The following IL1RAP variants were observed in gnomAD, a reference collection of about 807,000 sequenced individuals.
IL1RAP encodes the protein interleukin-1 receptor accessory protein.
In IL1RAP, 35 loss-of-function variants were observed where a neutral mutation model predicts 60.7. The ratio of observed to expected loss-of-function variants is 0.58; its 90% CI spans 0.44 to 0.76. The LOEUF is 0.76. IL1RAP is among the 30% of genes least tolerant of loss of function. The pLI is 0.00. For missense variants in IL1RAP, 572 were observed against 693.9 expected, an observed-to-expected ratio of 0.82 and a Z score of 1.97; for synonymous variants, 268 against 250.9, an observed-to-expected ratio of 1.07 and a Z score of -0.64.
At chr3:190,611,057 C>T (rs566522204) in intron 5 of IL1RAP, among the ~76,000 whole-genome samples, 2 of 152,222 alleles carry the variant, frequency 1.3e-5, no homozygotes, top group African/African-American at 2.4e-5. Flanking sequence ...AGACATGTAA[C>T]ATTGGGTAAT....
At position 190,629,470 on chromosome 3, in the gene IL1RAP, T is replaced by G. The variant is rs964827481; in HGVS notation, c.1023T>G (p.Val341=). ...ATGCTAGAAGTGCCAAAGGCGAAGT[T>G]GCCAAAGCAGCCAAGGTGAAGCAGA... The part of the protein sequence containing the change: ...VCHARSAKGE[V]AKAAKVKQKV... Residue 341 remains valine, a synonymous_variant, in exon 9 of 12, where the codon GTT becomes GTG. Transcript: ENST00000447382. 6.2e-7 allele frequency: 1 copy of G among 1,613,194 alleles called. No homozygotes were observed. The highest frequency in any genetic ancestry group is 1.3e-5 in the African/African-American group (1 of 74,900).
intron 3 of IL1RAP, among the ~76,000 whole-genome samples, chr3:190,577,939 A>G (rs1727640189): frequency 6.6e-6 from 1 of 152,124 alleles, no homozygotes; most frequent in Non-Finnish European, 1.5e-5. Context: ...TTCTGTTACT[A>G]CATTAATTCA....
Position 190,650,707 on chromosome 3 carries a change from C to G in IL1RAP, c.*2002C>G, listed in dbSNP as rs187663537. On this transcript the variant is annotated 3_prime_UTR_variant, in exon 12 of 12. Coordinates refer to ENST00000447382, the MANE Select transcript of IL1RAP (RefSeq NM_002182.4). ...GAAAAGTAGGTCATTCTTGGATCTA[C>G]TTTTTTTTAGCCTTATTAATATTTT... 3 of 974,974 alleles carry G rather than the reference C, an allele frequency of 3.1e-6. No homozygotes were observed. In the Admixed American group the frequency reaches 1.8e-4, roughly 60 times the overall value. 60.4% of individuals were successfully genotyped at this position (974,974 alleles called of 1,614,324 possible). A position where few individuals can be genotyped will look rare whatever the true frequency, so the allele number is the denominator to read the frequency against.
chr3:190,576,970 G>A (rs544648637), intron 3 of IL1RAP, among the ~76,000 whole-genome samples: 17 of 151,848 alleles, frequency 1.1e-4, no homozygotes, highest in African/African-American at 2.4e-4. Flanking sequence ...GCGCGGTGGC[G>A]GGCGCCTGTA....
intron 1 of IL1RAP, chr3:190,518,515 G>A (rs893695248): frequency 8.5e-5 from 13 of 152,082 alleles, no homozygotes; most frequent in Admixed American, 4.6e-4. Context: ...TTAGGAAACC[G>A]AGGCTCATAG....
At chr3:190,562,694 CCACACACACACACA>C (rs56393536) in intron 2 of IL1RAP, among the ~76,000 whole-genome samples, 172 of 146,440 alleles carry the variant, frequency 1.2e-3, no homozygotes, top group East Asian at 2.2e-3. Context: ...CATATCTCGT[CCACACACACACACA>C]CACACACACA....
In IL1RAP at chr3:190,650,318, T is replaced by C. The variant is rs1734319667; in HGVS notation, c.*1613T>C. On this transcript the variant is annotated 3_prime_UTR_variant, in exon 12 of 12. Coordinates refer to ENST00000447382, the MANE Select transcript of IL1RAP (RefSeq NM_002182.4). The stretch of plus-strand genomic sequence containing the variant: ...TTGCTACAGTTTATCTAGGTTGCAG[T>C]GGCATCTGCTGTGCACAGAGCTTCC... The C allele has an allele frequency of 4.1e-6, 4 of 985,166 alleles. No homozygotes were observed. Among genetic ancestry groups the C allele is most frequent in the Non-Finnish European group, 4.8e-6 (4 of 829,776 alleles). 61.0% of individuals were successfully genotyped at this position (985,166 alleles called of 1,614,324 possible).
chr3:190,584,186 A>G lies in IL1RAP; in HGVS notation c.64+19833A>G, dbSNP rs185876366. 2.6e-5 allele frequency among the ~76,000 whole-genome samples: 4 copies of G among 152,312 alleles called. No homozygotes were observed. In the East Asian group the frequency reaches 7.7e-4, roughly 29 times the overall value. On this transcript the variant is annotated intron_variant, in intron 3 of 11. Transcript: ENST00000447382. ...CATAACACATTTGAGGTACATCCAT[A>G]TTATCATATGTTTGAGAAGTCCATT...
At chr3:190,606,374 C>T (rs533052443) in intron 4 of IL1RAP, among the ~76,000 whole-genome samples, 67 of 152,302 alleles carry the variant, frequency 4.4e-4, no homozygotes, top group South Asian at 3.5e-3. Flanking sequence ...GTGGTATCTA[C>T]GTCCACATAG....
At chr3:190,629,163 A>G (rs1248428231) in intron 8 of IL1RAP, among the ~76,000 whole-genome samples, 187 bp from the exon 9 acceptor site, 5 of 152,240 alleles carry the variant, frequency 3.3e-5, no homozygotes, top group Non-Finnish European at 7.3e-5. Context: ...CGTAGATGGT[A>G]TAGTATAGTG....
chr3:190,653,709 A>G (rs1182050053), downstream of IL1RAP, among the ~76,000 whole-genome samples: 1 of 152,224 alleles, frequency 6.6e-6, no homozygotes, highest in African/African-American at 2.4e-5. Flanking sequence ...ACACAAGAAA[A>G]CAAATCTCAT....
intron 9 of IL1RAP, among the ~76,000 whole-genome samples, chr3:190,632,288 A>G (rs955659224): frequency 2.0e-5 from 3 of 152,212 alleles, no homozygotes; most frequent in African/African-American, 7.2e-5. Context: ...AATTTTAGCC[A>G]TACTGATGGA....
intron 3 of IL1RAP, among the ~76,000 whole-genome samples, chr3:190,572,528 G>C (rs1484191764): frequency 2.6e-5 from 4 of 152,222 alleles, no homozygotes; most frequent in Non-Finnish European, 5.9e-5. Flanking sequence ...GAAAAATAGA[G>C]ATAAAATATT....
At chr3:190,634,251 T>G (rs2108831004) in intron 9 of IL1RAP, among the ~76,000 whole-genome samples, 1 of 152,122 alleles carries the variant, frequency 6.6e-6, no homozygotes, top group Admixed American at 6.5e-5. Flanking sequence ...TTTGATTTAC[T>G]AATATTTTGT....
At chr3:190,574,584 G>A (rs1272064568) in intron 3 of IL1RAP, among the ~76,000 whole-genome samples, 2 of 152,216 alleles carry the variant, frequency 1.3e-5, no homozygotes, top group Non-Finnish European at 2.9e-5. Flanking sequence ...AAGGGACTCA[G>A]TCAAGGATGT....
At chr3:190,577,390 T>C (rs1727587097) in intron 3 of IL1RAP, among the ~76,000 whole-genome samples, 1 of 152,150 alleles carries the variant, frequency 6.6e-6, no homozygotes, top group Non-Finnish European at 1.5e-5. Context: ...GTCAAATTAG[T>C]CATTTGAAGT....
chr3:190,613,722 A>G (rs1360372072), intron 5 of IL1RAP, among the ~76,000 whole-genome samples: 1 of 151,790 alleles, frequency 6.6e-6, no homozygotes, highest in Non-Finnish European at 1.5e-5. Flanking sequence ...AGTCCCAGCT[A>G]CTCCGGAGGC....
At chr3:190,590,114 C>T (rs564809873) in intron 3 of IL1RAP, among the ~76,000 whole-genome samples, 107 of 152,236 alleles carry the variant, frequency 7.0e-4, no homozygotes, top group African/African-American at 2.5e-3. Flanking sequence ...TGTCAGAGTC[C>T]ATGTGGCATT....
intron 1 of IL1RAP, among the ~76,000 whole-genome samples, chr3:190,548,382 T>A (rs1037214017): frequency 1.3e-5 from 2 of 152,204 alleles, no homozygotes; most frequent in African/African-American, 4.8e-5. Flanking sequence ...TCCTATGAGG[T>A]AATCCTTATT....
Sources: gnomAD v4.1 joint callset for allele counts (sites outside exome capture counted in the v4.1 genomes callset) on GRCh38, gnomAD v4.1.1 for gene constraint, MANE v1.5 for transcripts, NCBI Gene and HGNC (gene_info 2026-07-23, HGNC 2026-07-21) for gene names.